Variants in CCND2 observed in about 807,000 individuals in gnomAD.
The protein encoded by CCND2 is G1/S-specific cyclin-D2.
A neutral mutation model predicts 30.2 loss-of-function variants in CCND2; 6 were observed. That is an observed-to-expected ratio of 0.20 (90% CI 0.11 to 0.39). The LOEUF is 0.39. Among genes scored for constraint, CCND2 ranks in the 10% least tolerant of loss-of-function variants. The probability of loss-of-function intolerance (pLI) is 1.00; values close to 1 mark genes in which losing one functional copy is unlikely to be tolerated. For synonymous variants in CCND2, 150 were observed against 153.1 expected (o/e 0.98, Z 0.15); for missense variants, 235 against 373.4 (o/e 0.63, Z 3.06).
chr12:4,273,830 G>A lies in CCND2; in HGVS notation c.-211G>A. Reference sequence around the variant, plus strand: ...GGGGAGGACCGGTGCGAGTGAGGCAGCCCCGAGGCTCTGCTCGCCCACCAC... The same window carrying A: ...GGGGAGGACCGGTGCGAGTGAGGCAACCCCGAGGCTCTGCTCGCCCACCAC... On this transcript the variant is annotated 5_prime_UTR_variant, in exon 1 of 5. Coordinates refer to ENST00000261254, the MANE Select transcript of CCND2 (RefSeq NM_001759.4). The surrounding 1 kb of genome is among the most constrained non-coding windows in gnomAD (Gnocchi z 5.9). 1 of 600,720 alleles carries A rather than the reference G, an allele frequency of 1.7e-6. No homozygotes were observed. The highest frequency in any genetic ancestry group is 3.0e-6 in the Non-Finnish European group (1 of 338,884). The allele number at this position is 600,720 out of a possible 1,614,324, so 37.2% of individuals were successfully genotyped here.
intron 3 of CCND2, among the ~76,000 whole-genome samples, chr12:4,279,667 G>A (rs772264875): frequency 3.6e-4 from 52 of 144,260 alleles, no homozygotes; most frequent in Non-Finnish European, 5.6e-4. Context: ...TAAACCAAAG[G>A]CAGTGGTTTG....
At position 4,304,297 on chromosome 12, in the gene CCND2, T is replaced by C. The variant is rs1324696331; in HGVS notation, c.*4288T>C. ...GGCTTCTAAGCCAAAAGGATTCCTC[T>C]TTGTTTATCTCTGAGACAGTCCAAC... On this transcript the variant is annotated 3_prime_UTR_variant, in exon 5 of 5. Transcript: ENST00000261254. The surrounding 1 kb of genome is among the most constrained non-coding windows in gnomAD (Gnocchi z 6.2). 1 of 233,600 alleles carries C rather than the reference T, an allele frequency of 4.3e-6. No homozygotes were observed. The highest frequency in any genetic ancestry group is 6.0e-5 in the East Asian group (1 of 16,600). The allele number at this position is 233,600 out of a possible 1,614,324, so 14.5% of individuals were successfully genotyped here.
rs1245742564 is a variant in CCND2, at chr12:4,299,442, C to T, written c.721-418C>T. On this transcript the variant is annotated intron_variant, in intron 4 of 4. Coordinates refer to ENST00000261254, the MANE Select transcript of CCND2 (RefSeq NM_001759.4). This position sits in a 1 kb window ranked among gnomAD's most constrained non-coding sequence, Gnocchi z 5.2. ...CGGGCTGAGTTTGCTAATGTCATAG[C>T]ACTTCTAGTAGCCTTCCCCTTTTCT... is the stretch of plus-strand genomic sequence containing the variant. Among the ~76,000 whole-genome samples the T allele has an allele frequency of 1.3e-5, 2 of 152,188 alleles. No individual in the cohort carries two copies. The highest frequency in any genetic ancestry group is 4.8e-5 in the African/African-American group (2 of 41,448).
chr12:4,296,186 G>A (rs1271679070), intron 4 of CCND2, among the ~76,000 whole-genome samples: 4 of 152,258 alleles, frequency 2.6e-5, no homozygotes, highest in Non-Finnish European at 5.9e-5. Context: ...GGAGGGTCAT[G>A]CTGGCATGGC....
In CCND2 at chr12:4,285,130, T is replaced by G. The variant is rs1227304054; in HGVS notation, c.572-3712T>G. On this transcript the variant is annotated intron_variant, in intron 3 of 4. Coordinates refer to ENST00000261254, the MANE Select transcript of CCND2 (RefSeq NM_001759.4). This position sits in a 1 kb window ranked among gnomAD's most constrained non-coding sequence, Gnocchi z 4.1. ...TAGCACACCATCCTCTACTATCTAA[T>G]GCATTGATGCCCAGCCTTAAGAAGT... The G allele has an allele frequency of 5.8e-6, 1 of 172,476 alleles. No individual in the cohort carries two copies. The highest frequency in any genetic ancestry group is 1.9e-4 in the East Asian group (1 of 5,298). 10.7% of individuals were successfully genotyped at this position (172,476 alleles called of 1,614,324 possible).
rs1263364026 is a variant in CCND2, at chr12:4,301,295, T to G, written c.*1286T>G. ...CCTTTGGACATGGAAAGAAAAGTTA[T>G]TGCTGGTGCAAAGATAGATGGCTGA... On this transcript the variant is annotated 3_prime_UTR_variant, in exon 5 of 5. Coordinates refer to ENST00000261254, the MANE Select transcript of CCND2 (RefSeq NM_001759.4). 1.3e-5 allele frequency: 3 copies of G among 233,592 alleles called. No homozygotes were observed. The highest frequency in any genetic ancestry group is 1.7e-5 in the Non-Finnish European group (2 of 118,046). 14.5% of individuals were successfully genotyped at this position (233,592 alleles called of 1,614,324 possible). A position where few individuals can be genotyped will look rare whatever the true frequency, so the allele number is the denominator to read the frequency against.
At chr12:4,277,026 C>T (rs1023159231) in intron 2 of CCND2, among the ~76,000 whole-genome samples, 5 of 152,246 alleles carry the variant, frequency 3.3e-5, no homozygotes, top group African/African-American at 1.2e-4. Context: ...CCCCTCCTCA[C>T]TGGTAGGGCC....
At chr12:4,283,963 A>C (rs1863987648) in intron 3 of CCND2, among the ~76,000 whole-genome samples, 1 of 152,176 alleles carries the variant, frequency 6.6e-6, no homozygotes, top group Non-Finnish European at 1.5e-5. Flanking sequence ...ACACATACAC[A>C]ACTGGATAGT....
intron 4 of CCND2, among the ~76,000 whole-genome samples, chr12:4,298,969 A>G (rs1030747984): frequency 2.0e-5 from 3 of 152,200 alleles, no homozygotes; most frequent in African/African-American, 7.2e-5. Flanking sequence ...CCCAAATTGG[A>G]TGGCTCAAGG....
At chr12:4,289,929 G>C (rs569116186) in intron 4 of CCND2, among the ~76,000 whole-genome samples, 1 of 152,016 alleles carries the variant, frequency 6.6e-6, no homozygotes, top group South Asian at 2.1e-4. Context: ...CTTTTGGTTT[G>C]AAAAAAAACC....
In CCND2 at chr12:4,287,352, TAG is replaced by T. The variant is rs1185459305; in HGVS notation, c.572-1487_572-1486del. On this transcript the variant is annotated intron_variant, in intron 3 of 4. Coordinates refer to ENST00000261254, the MANE Select transcript of CCND2 (RefSeq NM_001759.4). This position sits in a 1 kb window ranked among gnomAD's most constrained non-coding sequence, Gnocchi z 4.0. ...GCTGCTGTAGAAAGTGTGTTTGTAATAGAGTGTGTACAGGAGGAAGGGGAAAT... is the reference window on the plus strand; with the variant it reads ...GCTGCTGTAGAAAGTGTGTTTGTAATAGTGTGTACAGGAGGAAGGGGAAAT... 3.9e-5 allele frequency among the ~76,000 whole-genome samples: 6 copies of T among 152,142 alleles called. No homozygotes were observed. The highest frequency in any genetic ancestry group is 5.9e-5 in the Non-Finnish European group (4 of 68,026).
chr12:4,294,037 C>T (rs138468285), intron 4 of CCND2, among the ~76,000 whole-genome samples: 309 of 152,240 alleles, frequency 2.0e-3, no homozygotes, highest in South Asian at 3.1e-3. Context: ...GAGTTGGCCG[C>T]GGGTCTGGGG....
In CCND2 at chr12:4,288,956, C is replaced by G; in HGVS notation, c.686C>G (p.Thr229Ser). Residue 229 changes from threonine (T) to serine (S), a missense_variant, in exon 4 of 5, where the codon ACT becomes AGT. This residue lies in a region of CCND2 where 178 missense variants were observed against 322.8 expected (regional missense o/e 0.55). Coordinates refer to ENST00000261254, the MANE Select transcript of CCND2 (RefSeq NM_001759.4). ...AGCTCGCTCACTTGTGATGCCCTGA[C>G]TGAGCTGCTGGCTAAGATCACCAAC... ...EVSSLTCDAL[T>S]ELLAKITNTD... 4 of 1,613,646 alleles carry G rather than the reference C, an allele frequency of 2.5e-6. No individual in the cohort carries two copies. The highest frequency in any genetic ancestry group is 3.4e-6 in the Non-Finnish European group (4 of 1,179,792).
chr12:4,283,973 T>G (rs999454343), intron 3 of CCND2, among the ~76,000 whole-genome samples: 4 of 152,202 alleles, frequency 2.6e-5, no homozygotes, highest in African/African-American at 9.7e-5. Flanking sequence ...AACTGGATAG[T>G]GACAGATTCT....
rs943400206 is a variant in CCND2 at position 4,285,936 on chromosome 12, C to G, written c.572-2906C>G. 6.6e-6 allele frequency among the ~76,000 whole-genome samples: 1 copy of G among 152,126 alleles called. No individual in the cohort carries two copies. The highest frequency in any genetic ancestry group is 1.5e-5 in the Non-Finnish European group (1 of 68,028). ...TGTGAATTTGCCGGCTGGTAGACACCGTGATCCATTCTATTGTCTCCTCAT... is the reference window on the plus strand; with the variant it reads ...TGTGAATTTGCCGGCTGGTAGACACGGTGATCCATTCTATTGTCTCCTCAT... On this transcript the variant is annotated intron_variant, in intron 3 of 4. Transcript: ENST00000261254. This position sits in a 1 kb window ranked among gnomAD's most constrained non-coding sequence, Gnocchi z 4.1.
chr12:4,297,444 G>A (rs1864186362), intron 4 of CCND2, among the ~76,000 whole-genome samples: 1 of 151,866 alleles, frequency 6.6e-6, no homozygotes, highest in Admixed American at 6.6e-5. Flanking sequence ...GGTGGCACGT[G>A]CCTATAATCC....
rs146716641 is a variant in CCND2, at chr12:4,282,669, G to A, written c.571+3750G>A. Among the ~76,000 whole-genome samples the A allele has an allele frequency of 2.0e-5, 3 of 152,312 alleles. No homozygotes were observed. The highest frequency in any genetic ancestry group is 4.4e-5 in the Non-Finnish European group (3 of 68,026). ...CAAGCAGCCAGGCAGTGTGGTGCTT[G>A]CCATCGCTCTTCCCTCTGGCTGTAA... On this transcript the variant is annotated intron_variant, in intron 3 of 4. Coordinates refer to ENST00000261254, the MANE Select transcript of CCND2 (RefSeq NM_001759.4). This position sits in a 1 kb window ranked among gnomAD's most constrained non-coding sequence, Gnocchi z 4.3.
chr12:4,303,267 G>T lies in CCND2; in HGVS notation c.*3258G>T, dbSNP rs1334576476. The T allele has an allele frequency of 1.3e-5, 3 of 233,188 alleles. No homozygotes were observed. In the Admixed American group the frequency reaches 1.7e-4, roughly 13 times the overall value. The allele number at this position is 233,188 out of a possible 1,614,324, so 14.4% of individuals were successfully genotyped here. ...GTGGGGCTGCCGATGGGAAAGTCGG[G>T]GGTTGTTAGGCTTTTCTGCCTGCTC... On this transcript the variant is annotated 3_prime_UTR_variant, in exon 5 of 5. Coordinates refer to ENST00000261254, the MANE Select transcript of CCND2 (RefSeq NM_001759.4). The surrounding 1 kb of genome is among the most constrained non-coding windows in gnomAD (Gnocchi z 4.6).
intron 4 of CCND2, among the ~76,000 whole-genome samples, chr12:4,292,654 G>C (rs1864116566): frequency 6.6e-6 from 1 of 152,198 alleles, no homozygotes. Context: ...TGAGGGGCCT[G>C]ACAGTTTTAT....
Sources: allele counts gnomAD v4.1 joint callset (sites outside exome capture counted in the v4.1 genomes callset), GRCh38; gene constraint gnomAD v4.1.1; regional missense constraint gnomAD v4.1.1; non-coding constraint Gnocchi (gnomAD v3.1); transcripts MANE v1.5; gene names NCBI Gene and HGNC (gene_info 2026-07-23, HGNC 2026-07-21).